HCN1: variants seen among roughly 807,000 people sequenced by gnomAD.
The protein encoded by HCN1 is hyperpolarization activated cyclic nucleotide gated potassium channel 1, also known as potassium/sodium hyperpolarization-activated cyclic nucleotide-gated channel 1.
Under a neutral mutation model 78.9 loss-of-function variants are expected in HCN1, and 13 were observed. The observed-to-expected ratio is 0.16, with a 90% confidence interval of 0.11 to 0.26. The LOEUF is 0.26. Ranked by LOEUF, HCN1 falls within the 10% of genes least tolerant of loss-of-function variation. The pLI, the probability that HCN1 is intolerant of heterozygous loss-of-function variation, is 1.00. For missense variants in HCN1, 810 were observed against 1,154.3 expected (o/e 0.70, Z 4.32); for synonymous variants, 552 against 455.5 (o/e 1.21, Z -2.70).
chr5:45,618,620 G>A (rs921547087), intron 2 of HCN1, among the ~76,000 whole-genome samples: 2 of 152,108 alleles, frequency 1.3e-5, no homozygotes, highest in Admixed American at 6.6e-5. Flanking sequence ...ATGAAGTTAT[G>A]AGCTAGAGCA....
intron 2 of HCN1, among the ~76,000 whole-genome samples, chr5:45,582,599 A>G (rs971881340): frequency 5.9e-5 from 9 of 152,168 alleles, no homozygotes; most frequent in Admixed American, 3.3e-4. Flanking sequence ...GTCTTGTGGC[A>G]GTTTTCAAAG....
intron 2 of HCN1, among the ~76,000 whole-genome samples, chr5:45,624,732 G>A (rs189011684): frequency 5.0e-4 from 76 of 152,138 alleles, no homozygotes; most frequent in African/African-American, 1.7e-3. Flanking sequence ...AATCATGGAT[G>A]TATGGAGCCA....
At chr5:45,499,631 T>C (rs1742147934) in intron 2 of HCN1, among the ~76,000 whole-genome samples, 1 of 152,180 alleles carries the variant, frequency 6.6e-6, no homozygotes, top group Non-Finnish European at 1.5e-5. Context: ...TTTGATTCAA[T>C]ATATTACTAG....
chr5:45,520,202 A>C (rs1172119049), intron 2 of HCN1, among the ~76,000 whole-genome samples: 2 of 151,952 alleles, frequency 1.3e-5, no homozygotes, highest in African/African-American at 4.8e-5. Flanking sequence ...ATTGAACATT[A>C]TTTGGGCATT....
chr5:45,290,097 C>T (rs189835867), intron 6 of HCN1, among the ~76,000 whole-genome samples: 10 of 151,910 alleles, frequency 6.6e-5, no homozygotes, highest in African/African-American at 1.4e-4. Context: ...ATAACTGTCA[C>T]GAGATCTGAT....
intron 1 of HCN1, among the ~76,000 whole-genome samples, chr5:45,658,695 A>AT (rs1745845253): frequency 6.6e-6 from 1 of 151,560 alleles, no homozygotes; most frequent in African/African-American, 2.4e-5. Flanking sequence ...GGGGTGAGGG[A>AT]CGCACCTGGA....
chr5:45,312,918 T>A (rs927232385), intron 5 of HCN1, among the ~76,000 whole-genome samples: 6 of 152,130 alleles, frequency 3.9e-5, no homozygotes, highest in African/African-American at 1.4e-4. Flanking sequence ...CCTGCCTGCC[T>A]CTGTAGACTC....
chr5:45,334,072 C>T lies in HCN1; in HGVS notation c.1377+19028G>A, dbSNP rs1293810925. On this transcript the variant is annotated intron_variant, in intron 5 of 7. Transcript: ENST00000303230. ...TACTTACCTCTTTTCTCCAAGATCA[C>T]TTAAAATAGTCATGGTTATTATAAC... 3.3e-5 allele frequency among the ~76,000 whole-genome samples: 5 copies of T among 151,714 alleles called. No homozygotes were observed. In the East Asian group the frequency reaches 7.8e-4, roughly 24 times the overall value.
chr5:45,664,510 C>T (rs1166380469), intron 1 of HCN1, among the ~76,000 whole-genome samples: 1 of 145,210 alleles, frequency 6.9e-6, no homozygotes, highest in Non-Finnish European at 1.5e-5. Context: ...AGTGAACAAG[C>T]AACCTACAAA....
intron 5 of HCN1, among the ~76,000 whole-genome samples, chr5:45,349,599 A>G (rs1247320113): frequency 6.6e-6 from 1 of 152,204 alleles, no homozygotes; most frequent in Non-Finnish European, 1.5e-5. Flanking sequence ...GTTTTTTGAA[A>G]GGATCAACAA....
chr5:45,386,816 C>T (rs887488350), intron 4 of HCN1, among the ~76,000 whole-genome samples: 4 of 152,034 alleles, frequency 2.6e-5, no homozygotes, highest in Non-Finnish European at 5.9e-5. Flanking sequence ...CACTTAATAA[C>T]ACTCTCATGC....
intron 1 of HCN1, among the ~76,000 whole-genome samples, chr5:45,674,411 T>C (rs915597465): frequency 6.6e-6 from 1 of 151,672 alleles, no homozygotes; most frequent in East Asian, 1.9e-4. Context: ...CTGTGATTGA[T>C]CTTATACAGA....
At chr5:45,372,037 T>C (rs71590658) in intron 4 of HCN1, among the ~76,000 whole-genome samples, 5,807 of 51,232 alleles carry the variant, frequency 0.11, 616 homozygotes, top group African/African-American at 0.25. Flanking sequence ...TATAATTATA[T>C]ATATATTATA....
chr5:45,480,967 C>T (rs1056034358), intron 2 of HCN1, among the ~76,000 whole-genome samples: 1 of 152,132 alleles, frequency 6.6e-6, no homozygotes, highest in Non-Finnish European at 1.5e-5. Context: ...AAGCCCTAAC[C>T]TAGTAGTTCC....
chr5:45,405,142 T>C (rs1312431830), intron 3 of HCN1, among the ~76,000 whole-genome samples: 2 of 152,144 alleles, frequency 1.3e-5, no homozygotes, highest in African/African-American at 4.8e-5. Flanking sequence ...ATTTTTTTCC[T>C]GCAGTCATTG....
intron 3 of HCN1, among the ~76,000 whole-genome samples, chr5:45,449,868 C>T (rs1224656770): frequency 6.6e-6 from 1 of 152,090 alleles, no homozygotes; most frequent in Non-Finnish European, 1.5e-5. Flanking sequence ...CGGAGTCTCA[C>T]ACTCTGTCCC....
At position 45,261,479 on chromosome 5, in the gene HCN1, CAG is replaced by C. The variant is rs1744734215; in HGVS notation, c.*440_*441del. On this transcript the variant is annotated 3_prime_UTR_variant, in exon 8 of 8. Transcript: ENST00000303230. ...CCATTAATGATTAACAATTTAGATG[CAG>C]AGACACAGCTAATGAAAGAAAGTTT... 6.5e-6 allele frequency: 1 copy of C among 154,440 alleles called. No homozygotes were observed. The highest frequency in any genetic ancestry group is 2.4e-5 in the African/African-American group (1 of 41,434). 9.6% of individuals were successfully genotyped at this position (154,440 alleles called of 1,614,324 possible).
intron 2 of HCN1, among the ~76,000 whole-genome samples, chr5:45,545,035 C>T (rs1469576494): frequency 6.6e-6 from 1 of 152,144 alleles, no homozygotes; most frequent in African/African-American, 2.4e-5. Context: ...CTGACTTCCA[C>T]AATGGTTGAA....
chr5:45,313,123 G>A (rs1023053220), intron 5 of HCN1, among the ~76,000 whole-genome samples: 14 of 152,126 alleles, frequency 9.2e-5, no homozygotes, highest in African/African-American at 2.9e-4. Context: ...CCCCAGTAGG[G>A]GCAGACTGAC....
Sources: allele counts gnomAD v4.1 joint callset (sites outside exome capture counted in the v4.1 genomes callset), GRCh38; gene constraint gnomAD v4.1.1; transcripts MANE v1.5; gene names NCBI Gene and HGNC (gene_info 2026-07-23, HGNC 2026-07-21).